MESP1: variants seen among roughly 807,000 people sequenced by gnomAD.
MESP1 encodes the protein mesoderm posterior bHLH transcription factor 1.
In MESP1, 22 loss-of-function variants were observed where a neutral mutation model predicts 15.2. The observed-to-expected ratio is 1.45, with a 90% CI of 1.04 to 2.07. The LOEUF is 2.07. MESP1 is among the 30% of genes most tolerant of loss of function. The pLI, the probability that MESP1 is intolerant of heterozygous loss-of-function variation, is 0.00. For synonymous variants in MESP1, 216 were observed against 192.6 expected, an observed-to-expected ratio of 1.12 and a Z score of -1.01; for missense variants, 484 against 411.9, an observed-to-expected ratio of 1.17 and a Z score of -1.51.
downstream of MESP1, among the ~76,000 whole-genome samples, chr15:89,746,789 CCA>C (rs370443651): frequency 6.8e-3 from 869 of 127,412 alleles, 43 homozygotes; most frequent in African/African-American, 0.027. Context: ...CCCTACCTCC[CCA>C]CACACACACA....
the MESP1 span, among the ~76,000 whole-genome samples, chr15:89,743,853 A>G: frequency 6.6e-6 from 1 of 152,102 alleles, no homozygotes; most frequent in Non-Finnish European, 1.5e-5. Flanking sequence ...CCTTTATAGA[A>G]TAGCTTTGAG....
At chr15:89,735,513 C>T in the MESP1 span, 1 of 1,614,038 alleles carries the variant, frequency 6.2e-7, no homozygotes, top group East Asian at 2.2e-5. Context: ...CTGGATAAAA[C>T]CATCTGTGCC....
Position 89,750,168 on chromosome 15 carries a change from C to T in MESP1, c.783G>A (p.Glu261=). Residue 261 remains glutamate (E), a synonymous_variant, in exon 2 of 2, where the codon GAG becomes GAA. Transcript: ENST00000300057. The part of the protein sequence containing the change: ...LETWMPLSPL[E]WLPEEPK ...GTCACTTGGGCTCCTCAGGCAGCCACTCCAGAGGCGAGAGGGGCATCCAGG... is the reference window on the plus strand; with the variant it reads ...GTCACTTGGGCTCCTCAGGCAGCCATTCCAGAGGCGAGAGGGGCATCCAGG... The T allele has an allele frequency of 6.2e-7, 1 of 1,614,070 alleles. No homozygotes were observed. Among genetic ancestry groups the T allele is most frequent in the Non-Finnish European group, 8.5e-7 (1 of 1,180,014 alleles).
At chr15:89,734,974 T>C in the MESP1 span, among the ~76,000 whole-genome samples, 1 of 151,810 alleles carries the variant, frequency 6.6e-6, no homozygotes, top group African/African-American at 2.4e-5. Context: ...CCTTCCTTCC[T>C]TCCCTCCGTC....
the MESP1 span, chr15:89,735,656 G>C: frequency 8.2e-7 from 1 of 1,219,618 alleles, no homozygotes; most frequent in South Asian, 1.2e-5. Flanking sequence ...GGCCTGTTAT[G>C]TGTTAGGCAC....
At chr15:89,743,655 G>T in the MESP1 span, 1 of 500,186 alleles carries the variant, frequency 2.0e-6, no homozygotes, top group Non-Finnish European at 3.6e-6. Context: ...AGTTGCTGTG[G>T]TATATAACTC....
At chr15:89,737,392 G>C in the MESP1 span, among the ~76,000 whole-genome samples, 2 of 152,210 alleles carry the variant, frequency 1.3e-5, no homozygotes, top group African/African-American at 4.8e-5. Flanking sequence ...GGCTGAGGGG[G>C]ACCCCAAGCA....
the MESP1 span, among the ~76,000 whole-genome samples, chr15:89,735,861 G>A: frequency 2.0e-5 from 3 of 152,156 alleles, no homozygotes; most frequent in Non-Finnish European, 4.4e-5. Context: ...TGGCAGCAGG[G>A]GAGGACTGTG....
the MESP1 span, chr15:89,735,402 AT>A: frequency 7.3e-7 from 1 of 1,372,834 alleles, no homozygotes; most frequent in East Asian, 2.3e-5. Flanking sequence ...ATTTCTCTGA[AT>A]TTCTCCAGGA....
At position 89,750,828 on chromosome 15, in the gene MESP1, T is replaced by C; in HGVS notation, c.404A>G (p.His135Arg). 1 of 1,531,218 alleles carries C rather than the reference T, an allele frequency of 6.5e-7. No individual in the cohort carries two copies. Among genetic ancestry groups the C allele is most frequent in the Non-Finnish European group, 8.7e-7 (1 of 1,144,868 alleles). 94.9% of individuals were successfully genotyped at this position (1,531,218 alleles called of 1,614,324 possible). ...GCTGAGGCCTAGCACGGCCGACAGG[T>C]GGCCGATATAGCGGATAGCCAGGCG... ...TLRLAIRYIG[H>R]LSAVLGLSEE... is the part of the protein sequence containing the mutation. The change falls in exon 1 of 2, where the codon CAC (histidine) becomes CGC (arginine). Residue 135 changes from histidine to arginine, a missense_variant. Physicochemically the swap from His to Arg is conservative, Grantham distance 29. Transcript: ENST00000300057.
downstream of MESP1, among the ~76,000 whole-genome samples, chr15:89,747,713 G>A (rs984325409): frequency 2.0e-5 from 3 of 152,208 alleles, no homozygotes; most frequent in Admixed American, 2.0e-4. Context: ...GCCGGGTCCA[G>A]ATCCCAACAC....
chr15:89,743,199 A>T, the MESP1 span: 3 of 1,255,830 alleles, frequency 2.4e-6, no homozygotes, highest in Non-Finnish European at 3.5e-6. Flanking sequence ...AGAGTTTCTC[A>T]TAGGAGCACA....
At chr15:89,739,865 G>C in the MESP1 span, among the ~76,000 whole-genome samples, 1 of 152,014 alleles carries the variant, frequency 6.6e-6, no homozygotes, top group Non-Finnish European at 1.5e-5. Flanking sequence ...GTCACTTCAC[G>C]ACTATTTCCC....
At position 89,750,933 on chromosome 15, in the gene MESP1, C is replaced by T; in HGVS notation, c.299G>A (p.Arg100His). ...AAAGCGGCGCAGCTCGTGCAGGGCG[C>T]GGGCCAGCGTGCGCATGCGCAGTTT... ...REKLRMRTLA[R>H]ALHELRRFLP... Residue 100 changes from arginine to histidine, a missense_variant, in exon 1 of 2, where the codon CGC becomes CAC. Physicochemically the swap from Arg to His is conservative, Grantham distance 29. Transcript: ENST00000300057. The T allele has an allele frequency of 6.8e-7, 1 of 1,461,800 alleles. No individual in the cohort carries two copies. Among genetic ancestry groups the T allele is most frequent in the Non-Finnish European group, 9.0e-7 (1 of 1,110,774 alleles). 90.6% of individuals were successfully genotyped at this position (1,461,800 alleles called of 1,614,324 possible).
chr15:89,733,630 G>A, the MESP1 span, among the ~76,000 whole-genome samples: 1 of 152,052 alleles, frequency 6.6e-6, no homozygotes, highest in Non-Finnish European at 1.5e-5. Flanking sequence ...ATAAGAAAAG[G>A]AAGAGATACC....
intron 1 of MESP1, 59 bp downstream of exon 1, chr15:89,750,450 G>T: frequency 6.8e-7 from 1 of 1,464,178 alleles, no homozygotes; most frequent in Non-Finnish European, 9.0e-7. Flanking sequence ...CACCTTGGCG[G>T]GCGGTGGGGC....
rs1249252905 is a variant in MESP1, at chr15:89,750,607, C to G, written c.625G>C (p.Gly209Arg). 2.9e-6 allele frequency: 4 copies of G among 1,395,548 alleles called. No individual in the cohort carries two copies. The highest frequency in any genetic ancestry group is 3.7e-6 in the Non-Finnish European group (4 of 1,083,634). 86.4% of individuals were successfully genotyped at this position (1,395,548 alleles called of 1,614,324 possible). The change falls in exon 1 of 2, where the codon GGA becomes CGA. Residue 209 changes from glycine to arginine, a missense_variant. Gly to Arg is a moderately radical substitution (Grantham distance 125). Transcript: ENST00000300057. The stretch of plus-strand genomic sequence containing the variant: ...CGCGGCTCGGGTGCAGCTCGGGCTC[C>G]GGGGCAGGCAGGCGGGGATCCCCAG... ...ASWGSPPACP[G>R]ARAAPEPRDP...
chr15:89,743,689 C>A, the MESP1 span: 1 of 352,702 alleles, frequency 2.8e-6, no homozygotes, highest in Non-Finnish European at 5.3e-6. Context: ...AGTCCAGACC[C>A]CAGCAGGGCC....
At chr15:89,735,281 T>G in the MESP1 span, among the ~76,000 whole-genome samples, 3 of 152,320 alleles carry the variant, frequency 2.0e-5, no homozygotes, top group East Asian at 5.8e-4. Context: ...TTCATTACCA[T>G]ATTATATTTC....
Sources: gnomAD v4.1 joint callset for allele counts (sites outside exome capture counted in the v4.1 genomes callset) on GRCh38, gnomAD v4.1.1 for gene constraint, MANE v1.5 for transcripts, NCBI Gene and HGNC (gene_info 2026-07-23, HGNC 2026-07-21) for gene names.